The following BLM variants were observed in gnomAD, a reference collection of about 807,000 sequenced individuals.
BLM encodes recQ-like DNA helicase BLM.
A neutral mutation model predicts 135.3 loss-of-function variants in BLM; 95 were observed. The observed-to-expected ratio is 0.70, with a 90% CI of 0.59 to 0.83. BLM has a LOEUF of 0.83. Among genes scored for constraint, BLM ranks in the 40% least tolerant of loss-of-function variants. The probability of loss-of-function intolerance (pLI) is 0.00; values close to 1 mark genes in which losing one functional copy is unlikely to be tolerated. For missense variants in BLM, 1,518 were observed against 1,663.9 expected (o/e 0.91, Z 1.53); for synonymous variants, 520 against 589.2 (o/e 0.88, Z 1.70).
chr15:90,807,305 T>TAAGAA (rs1897306938), intron 19 of BLM, among the ~76,000 whole-genome samples: 3 of 152,270 alleles, frequency 2.0e-5, no homozygotes, highest in Non-Finnish European at 4.4e-5. Flanking sequence ...TCTTCTTTCT[T>TAAGAA]AGGTCACGTA....
In BLM at chr15:90,740,993, G is replaced by A. The variant is rs182134212; in HGVS notation, c.-4-6396G>A. Among the ~76,000 whole-genome samples the A allele has an allele frequency of 1.1e-3, 160 of 152,260 alleles. 1 individual carries two copies. The highest frequency in any genetic ancestry group is 8.8e-3 in the Admixed American group (134 of 15,284). On this transcript the variant is annotated intron_variant, in intron 1 of 21. Transcript: ENST00000355112. The stretch of plus-strand genomic sequence containing the variant: ...ATGGACTAGAACACGTGGTGACTAT[G>A]TTTCGTTTTTTGAGGTACTGCTTGA...
chr15:90,799,482 C>A (rs1897113630), intron 17 of BLM, among the ~76,000 whole-genome samples: 1 of 151,230 alleles, frequency 6.6e-6, no homozygotes, highest in Non-Finnish European at 1.5e-5. Flanking sequence ...AGGATTAATC[C>A]TCAGTAGATG....
chr15:90,757,258 C>T (rs1895844506), intron 5 of BLM, among the ~76,000 whole-genome samples: 1 of 152,186 alleles, frequency 6.6e-6, no homozygotes, highest in Non-Finnish European at 1.5e-5. Flanking sequence ...TGTCTGTCCT[C>T]ACTTTCCATC....
intron 5 of BLM, among the ~76,000 whole-genome samples, chr15:90,757,896 CTT>C (rs373823979): frequency 1.4e-4 from 20 of 144,004 alleles, no homozygotes; most frequent in South Asian, 1.1e-3. Flanking sequence ...TTTTTTTCAT[CTT>C]TTTTTTTTTT....
At chr15:90,740,630 T>C (rs1392356697) in intron 1 of BLM, among the ~76,000 whole-genome samples, 4 of 152,208 alleles carry the variant, frequency 2.6e-5, no homozygotes, top group Non-Finnish European at 5.9e-5. Context: ...CATGGTGATA[T>C]GGTTTGCCTG....
intron 1 of BLM, among the ~76,000 whole-genome samples, chr15:90,720,483 G>A (rs1255614424): frequency 1.3e-5 from 2 of 152,108 alleles, no homozygotes; most frequent in African/African-American, 4.8e-5. Flanking sequence ...TTTTCCATGA[G>A]TCCTTTCCAA....
At chr15:90,761,414 A>G (rs1050611884) in intron 7 of BLM, among the ~76,000 whole-genome samples, 159 bp downstream of exon 7, 7 of 152,248 alleles carry the variant, frequency 4.6e-5, no homozygotes, top group Non-Finnish European at 8.8e-5. Flanking sequence ...TTCAAAAGCA[A>G]GTTGCTCTTT....
chr15:90,810,619 G>A (rs1438336790), intron 20 of BLM, among the ~76,000 whole-genome samples: 8 of 152,178 alleles, frequency 5.3e-5, no homozygotes, highest in Admixed American at 1.3e-4. Flanking sequence ...CTTTGCAAAT[G>A]TGTGCTTTCA....
At chr15:90,773,489 C>G (rs1159339651) in intron 12 of BLM, among the ~76,000 whole-genome samples, 1 of 147,916 alleles carries the variant, frequency 6.8e-6, no homozygotes, top group South Asian at 2.1e-4. Context: ...TAAAATTCAC[C>G]TAAAGTTGAC....
rs760554566 is a variant in BLM at position 90,809,212 on chromosome 15, C to A, written c.3827C>A (p.Ala1276Glu). The A allele has an allele frequency of 5.0e-6, 8 of 1,614,084 alleles. No homozygotes were observed. Among genetic ancestry groups the A allele is most frequent in the Non-Finnish European group, 6.8e-6 (8 of 1,180,022 alleles). Reference sequence around the variant, plus strand: ...GAAGACAAACTGGAAAAATATGGTGCGGAAGTGATTTCAGTATTACAGAAA... The same window carrying A: ...GAAGACAAACTGGAAAAATATGGTGAGGAAGTGATTTCAGTATTACAGAAA... Reference protein sequence around the residue: ...VTEDKLEKYGAEVISVLQKYS... With the variant: ...VTEDKLEKYGEEVISVLQKYS... The change falls in exon 20 of 22, where the codon GCG becomes GAG. Residue 1276 changes from alanine to glutamate, a missense_variant. Ala to Glu is a moderately radical substitution (Grantham distance 107). Coordinates refer to ENST00000355112, the MANE Select transcript of BLM (RefSeq NM_000057.4).
intron 4 of BLM, among the ~76,000 whole-genome samples, chr15:90,753,776 C>G (rs141598380): frequency 2.6e-5 from 4 of 152,254 alleles, no homozygotes; most frequent in Admixed American, 2.0e-4. Context: ...TCCTCTTTTC[C>G]AAAACCTCTG....
chr15:90,806,198 T>C (rs1005689768), intron 19 of BLM, among the ~76,000 whole-genome samples: 2 of 152,138 alleles, frequency 1.3e-5, no homozygotes, highest in Admixed American at 1.3e-4. Flanking sequence ...TCCAATGAAA[T>C]ATTGTAATGA....
chr15:90,769,153 C>T lies in BLM; in HGVS notation c.2328C>T (p.Leu776=). 1 of 1,612,896 alleles carries T rather than the reference C, an allele frequency of 6.2e-7. No individual in the cohort carries two copies. The highest frequency in any genetic ancestry group is 8.5e-7 in the Non-Finnish European group (1 of 1,178,820). The change falls in exon 11 of 22, where the codon CTC becomes CTT. Residue 776 remains leucine, a synonymous_variant. Transcript: ENST00000355112. ...TPEKICASNR[L]ISTLENLYER... is the part of the protein sequence containing the mutation. Reference sequence around the variant, plus strand: ...CCTAGATCTGTGCAAGTAACAGACTCATTTCTACTCTGGAGAATCTCTATG... The same window carrying T: ...CCTAGATCTGTGCAAGTAACAGACTTATTTCTACTCTGGAGAATCTCTATG...
intron 15 of BLM, 38 bp downstream of exon 15, chr15:90,790,882 T>C (rs1288443587): frequency 6.3e-7 from 1 of 1,577,400 alleles, no homozygotes; most frequent in Admixed American, 1.7e-5. Flanking sequence ...TCTGTCATCT[T>C]CAGCCTCATG....
At chr15:90,812,763 A>G (rs932539943) in intron 21 of BLM, among the ~76,000 whole-genome samples, 4 of 152,230 alleles carry the variant, frequency 2.6e-5, no homozygotes, top group Admixed American at 2.6e-4. Flanking sequence ...GAAGGCAGAC[A>G]TTACCAAATT....
chr15:90,722,055 C>T (rs1894781618), intron 1 of BLM, among the ~76,000 whole-genome samples: 1 of 151,986 alleles, frequency 6.6e-6, no homozygotes, highest in African/African-American at 2.4e-5. Flanking sequence ...GAGGCTGAGG[C>T]AGGTGGATCA....
intron 1 of BLM, among the ~76,000 whole-genome samples, chr15:90,719,181 C>T (rs1395509942): frequency 6.6e-6 from 1 of 151,982 alleles, no homozygotes; most frequent in South Asian, 2.1e-4. Context: ...TTAGTAGAGA[C>T]GGGGTTTCAC....
intron 6 of BLM, 149 bp from the exon 7 acceptor site, chr15:90,760,445 A>G: frequency 8.2e-7 from 1 of 1,223,738 alleles, no homozygotes; most frequent in Non-Finnish European, 1.2e-6. Flanking sequence ...CCACTCCTTT[A>G]ACATTCGTAT....
chr15:90,792,094 C>CTTT (rs796474506), intron 15 of BLM, among the ~76,000 whole-genome samples: 12 of 134,510 alleles, frequency 8.9e-5, no homozygotes, highest in African/African-American at 2.7e-4. Context: ...TTTTTTTTTT[C>CTTT]TTTTTTTTTT....
Sources: gnomAD v4.1 joint callset for allele counts (sites outside exome capture counted in the v4.1 genomes callset) on GRCh38, gnomAD v4.1.1 for gene constraint, MANE v1.5 for transcripts, NCBI Gene and HGNC (gene_info 2026-07-23, HGNC 2026-07-21) for gene names.